Variants in ANO4 observed in about 807,000 individuals in gnomAD.
The protein encoded by ANO4 is anoctamin-4.
Under a neutral mutation model 141.9 loss-of-function variants are expected in ANO4, and 69 were observed. That is an observed-to-expected ratio of 0.49 (90% CI 0.40 to 0.59). The LOEUF is 0.59. Among genes scored for constraint, ANO4 ranks in the 20% least tolerant of loss-of-function variants. ANO4 has a pLI of 0.00. For synonymous variants in ANO4, 350 were observed against 394.3 expected, an observed-to-expected ratio of 0.89 and a Z score of 1.33; for missense variants, 894 against 1,162.2, an observed-to-expected ratio of 0.77 and a Z score of 3.36.
At chr12:100,914,166 C>T (rs1368590245) in intron 2 of ANO4, among the ~76,000 whole-genome samples, 5 of 152,156 alleles carry the variant, frequency 3.3e-5, no homozygotes, top group Non-Finnish European at 7.3e-5. Context: ...ACTTTTAGTG[C>T]AGGGATGCAT....
At chr12:100,826,501 T>C (rs1420476868) in intron 1 of ANO4, among the ~76,000 whole-genome samples, 1 of 152,080 alleles carries the variant, frequency 6.6e-6, no homozygotes, top group Admixed American at 6.6e-5. Flanking sequence ...CTTTTTGTAT[T>C]TGGTCCATAC....
intron 3 of ANO4, among the ~76,000 whole-genome samples, chr12:100,764,745 G>A (rs2033008092): frequency 6.6e-6 from 1 of 152,202 alleles, no homozygotes; most frequent in Non-Finnish European, 1.5e-5. Flanking sequence ...GCTGTCCATG[G>A]CTGTTAGGAG....
At chr12:101,103,615 T>C (rs933273475) in intron 22 of ANO4, among the ~76,000 whole-genome samples, 2 of 151,918 alleles carry the variant, frequency 1.3e-5, no homozygotes, top group Non-Finnish European at 2.9e-5. Context: ...CCATGCATTT[T>C]TTTAATTACT....
At chr12:101,095,292 T>C (rs1220623553) in intron 18 of ANO4, among the ~76,000 whole-genome samples, 1 of 105,188 alleles carries the variant, frequency 9.5e-6, no homozygotes, top group Non-Finnish European at 1.7e-5. Context: ...CCCAAAAAGA[T>C]AGAAGAGGTT....
intron 1 of ANO4, among the ~76,000 whole-genome samples, chr12:100,815,591 G>A (rs1487278221): frequency 1.3e-5 from 2 of 151,984 alleles, no homozygotes; most frequent in African/African-American, 4.8e-5. Flanking sequence ...GTACAAGCCT[G>A]TTTTCATATA....
chr12:101,086,036 G>C (rs907694779), intron 16 of ANO4, among the ~76,000 whole-genome samples: 1 of 151,682 alleles, frequency 6.6e-6, no homozygotes, highest in South Asian at 2.1e-4. Context: ...ATGAAGTGGT[G>C]TTTGAGCTGA....
At chr12:100,973,613 T>C (rs980255822) in intron 6 of ANO4, among the ~76,000 whole-genome samples, 2 of 152,226 alleles carry the variant, frequency 1.3e-5, no homozygotes, top group Non-Finnish European at 2.9e-5. Flanking sequence ...TGTTCCAATA[T>C]ACCCCTTCTC....
intron 22 of ANO4, among the ~76,000 whole-genome samples, chr12:101,109,071 A>G (rs78355042): frequency 0.14 from 20,802 of 152,132 alleles, 1,487 homozygotes; most frequent in South Asian, 0.19. Flanking sequence ...ACATATTTGC[A>G]GAGTATTTGT....
At chr12:100,818,337 A>C (rs1298538794) in intron 1 of ANO4, among the ~76,000 whole-genome samples, 2 of 151,896 alleles carry the variant, frequency 1.3e-5, no homozygotes, top group African/African-American at 2.4e-5. Flanking sequence ...TGTGGGTATC[A>C]GTCTTTATGT....
chr12:100,883,784 A>G (rs1307644536), intron 1 of ANO4, among the ~76,000 whole-genome samples: 1 of 152,230 alleles, frequency 6.6e-6, no homozygotes, highest in Non-Finnish European at 1.5e-5. Context: ...AACAACTTTT[A>G]AAAAAGATCA....
intron 9 of ANO4, among the ~76,000 whole-genome samples, chr12:101,026,388 A>G (rs556694922): frequency 6.6e-6 from 1 of 152,308 alleles, no homozygotes; most frequent in East Asian, 1.9e-4. Context: ...AGAAGACCCA[A>G]TAAATGGAGA....
intron 3 of ANO4, among the ~76,000 whole-genome samples, chr12:100,753,990 T>C (rs1263720174): frequency 2.6e-5 from 4 of 152,176 alleles, no homozygotes; most frequent in Non-Finnish European, 5.9e-5. Context: ...CAACCACTCA[T>C]TTGCAGTCAT....
At chr12:100,822,635 C>T (rs902410454) in intron 1 of ANO4, among the ~76,000 whole-genome samples, 1 of 151,936 alleles carries the variant, frequency 6.6e-6, no homozygotes, top group African/African-American at 2.4e-5. Flanking sequence ...AGAATGGTAA[C>T]TGGGCATTAC....
At chr12:100,799,908 T>C (rs1303959106) in intron 1 of ANO4, among the ~76,000 whole-genome samples, 1 of 152,086 alleles carries the variant, frequency 6.6e-6, no homozygotes, top group Non-Finnish European at 1.5e-5. Flanking sequence ...CCATTCCCAG[T>C]GTGGGGCCCC....
intron 8 of ANO4, among the ~76,000 whole-genome samples, chr12:101,009,565 T>G (rs2045997311): frequency 6.6e-6 from 1 of 152,170 alleles, no homozygotes; most frequent in Non-Finnish European, 1.5e-5. Context: ...ATATTCAATA[T>G]TCCTGCTGAG....
intron 3 of ANO4, among the ~76,000 whole-genome samples, chr12:100,765,034 G>T (rs1017573580): frequency 2.0e-5 from 3 of 152,132 alleles, no homozygotes; most frequent in African/African-American, 4.8e-5. Context: ...AAGAGGGATT[G>T]GTTTTAATCC....
At chr12:100,836,236 A>T (rs1270226114) in intron 1 of ANO4, among the ~76,000 whole-genome samples, 3 of 152,094 alleles carry the variant, frequency 2.0e-5, no homozygotes, top group Non-Finnish European at 4.4e-5. Context: ...AATCTAGTAA[A>T]AGTTTGCCTG....
At chr12:100,892,526 T>C (rs1417247318) in intron 1 of ANO4, among the ~76,000 whole-genome samples, 1 of 152,218 alleles carries the variant, frequency 6.6e-6, no homozygotes, top group East Asian at 1.9e-4. Context: ...TTGAGTTTAG[T>C]TACCTGTAGT....
chr12:100,876,271 T>G (rs1347751169), intron 1 of ANO4, among the ~76,000 whole-genome samples: 1 of 43,548 alleles, frequency 2.3e-5, no homozygotes. Flanking sequence ...TCAAGGAATA[T>G]AAAGACCAAA....
Sources: gnomAD v4.1 joint callset for allele counts (sites outside exome capture counted in the v4.1 genomes callset) on GRCh38, gnomAD v4.1.1 for gene constraint, MANE v1.5 for transcripts, NCBI Gene and HGNC (gene_info 2026-07-23, HGNC 2026-07-21) for gene names.